HS6ST3: variants seen among roughly 807,000 people sequenced by gnomAD.
The protein encoded by HS6ST3 is heparan sulfate 6-O-sulfotransferase 3.
Under a neutral mutation model 36.7 loss-of-function variants are expected in HS6ST3, and 12 were observed. That is an observed-to-expected ratio of 0.33 (90% CI 0.21 to 0.53). The LOEUF (loss-of-function observed/expected upper bound fraction) is 0.53. Among genes scored for constraint, HS6ST3 ranks in the 20% least tolerant of loss-of-function variants. The pLI is 0.95. For missense variants in HS6ST3, 584 were observed against 640.9 expected, an observed-to-expected ratio of 0.91 and a Z score of 0.96; for synonymous variants, 240 against 257.5, an observed-to-expected ratio of 0.93 and a Z score of 0.65.
chr13:96,316,399 A>T (rs2054970357), intron 1 of HS6ST3, among the ~76,000 whole-genome samples: 1 of 152,104 alleles, frequency 6.6e-6, no homozygotes, highest in African/African-American at 2.4e-5. Context: ...AACTTCCCTA[A>T]GTTCCAAACT....
intron 1 of HS6ST3, among the ~76,000 whole-genome samples, chr13:96,132,742 G>T (rs142044117): frequency 3.9e-5 from 6 of 152,102 alleles, no homozygotes; most frequent in Non-Finnish European, 8.8e-5. Context: ...CCCATCAATA[G>T]TGTACAGGTG....
At chr13:96,468,036 G>T (rs542732328) in intron 1 of HS6ST3, among the ~76,000 whole-genome samples, 1 of 152,170 alleles carries the variant, frequency 6.6e-6, no homozygotes, top group Admixed American at 6.5e-5. Context: ...CTGGGGGGAA[G>T]TATTCAGTCC....
chr13:96,659,001 C>G (rs912462336), intron 1 of HS6ST3, among the ~76,000 whole-genome samples: 1 of 152,214 alleles, frequency 6.6e-6, no homozygotes, highest in Non-Finnish European at 1.5e-5. Flanking sequence ...ACCTCTGTGC[C>G]TAGCCTGTAT....
intron 1 of HS6ST3, among the ~76,000 whole-genome samples, chr13:96,409,451 G>A (rs2055496359): frequency 6.6e-6 from 1 of 152,178 alleles, no homozygotes; most frequent in South Asian, 2.1e-4. Flanking sequence ...GGTAGGTGCT[G>A]AAATATTTGT....
intron 1 of HS6ST3, among the ~76,000 whole-genome samples, chr13:96,103,494 A>G (rs1432097219): frequency 6.6e-6 from 1 of 152,236 alleles, no homozygotes; most frequent in African/African-American, 2.4e-5. Flanking sequence ...AATAAACGAA[A>G]GAATGAAGCA....
At chr13:96,720,981 C>A (rs934994674) in intron 1 of HS6ST3, among the ~76,000 whole-genome samples, 4 of 152,112 alleles carry the variant, frequency 2.6e-5, no homozygotes, top group African/African-American at 7.2e-5. Context: ...ATAAACCCTG[C>A]AAGAAACTGA....
Position 96,093,119 on chromosome 13 carries a change from T to A in HS6ST3, c.707+1550T>A, listed in dbSNP as rs144105569. On this transcript the variant is annotated intron_variant, in intron 1 of 1. Transcript: ENST00000376705. ...CTCCCTGTTTAGATTAATTCCTGAT[T>A]GACCTCAAAGGGTTTGCTAGACTGC... Among the ~76,000 whole-genome samples, 25 of 152,324 alleles carry A rather than the reference T, an allele frequency of 1.6e-4. No homozygotes were observed. In the East Asian group the frequency reaches 4.4e-3, roughly 27 times the overall value.
intron 1 of HS6ST3, among the ~76,000 whole-genome samples, chr13:96,517,154 G>A (rs2138924304): frequency 6.6e-6 from 1 of 151,998 alleles, no homozygotes; most frequent in Non-Finnish European, 1.5e-5. Context: ...CAAGGTGGGA[G>A]GATCACTTGA....
At chr13:96,290,797 G>C (rs756272003) in intron 1 of HS6ST3, among the ~76,000 whole-genome samples, 1 of 152,160 alleles carries the variant, frequency 6.6e-6, no homozygotes, top group Non-Finnish European at 1.5e-5. Context: ...GACCTGTAAA[G>C]GTCCACCTGA....
intron 1 of HS6ST3, among the ~76,000 whole-genome samples, chr13:96,209,039 G>A (rs1260388475): frequency 6.6e-5 from 10 of 152,128 alleles, no homozygotes; most frequent in African/African-American, 1.4e-4. Flanking sequence ...AGATAATTTC[G>A]GATTTTGAAT....
chr13:96,543,811 A>G (rs2056187195), intron 1 of HS6ST3, among the ~76,000 whole-genome samples: 3 of 152,158 alleles, frequency 2.0e-5, no homozygotes, highest in Non-Finnish European at 4.4e-5. Context: ...AGGATGACAA[A>G]TATGTTTTAA....
intron 1 of HS6ST3, among the ~76,000 whole-genome samples, chr13:96,808,791 A>G (rs1450620796): frequency 6.6e-6 from 1 of 152,222 alleles, no homozygotes; most frequent in Non-Finnish European, 1.5e-5. Flanking sequence ...AGAATTTCAC[A>G]TGTCAGATTA....
chr13:96,394,603 A>G (rs2055411868), intron 1 of HS6ST3, among the ~76,000 whole-genome samples: 1 of 152,192 alleles, frequency 6.6e-6, no homozygotes, highest in Non-Finnish European at 1.5e-5. Flanking sequence ...TAGAAATATC[A>G]TTTGTATAAA....
At chr13:96,610,224 G>T (rs1407248630) in intron 1 of HS6ST3, among the ~76,000 whole-genome samples, 3 of 152,062 alleles carry the variant, frequency 2.0e-5, no homozygotes, top group Non-Finnish European at 4.4e-5. Context: ...TACCCTTCTG[G>T]GTCATTGTGA....
intron 1 of HS6ST3, among the ~76,000 whole-genome samples, chr13:96,584,765 T>G (rs745366353): frequency 2.6e-5 from 4 of 152,170 alleles, no homozygotes; most frequent in Non-Finnish European, 5.9e-5. Context: ...TGAAACCTTT[T>G]ATAAGGTCCA....
intron 1 of HS6ST3, among the ~76,000 whole-genome samples, chr13:96,703,160 G>C (rs1440211390): frequency 1.3e-5 from 2 of 152,208 alleles, no homozygotes; most frequent in African/African-American, 4.8e-5. Flanking sequence ...GAAGAAAACT[G>C]TTATCAGTAA....
intron 1 of HS6ST3, among the ~76,000 whole-genome samples, chr13:96,102,447 A>C (rs1228149254): frequency 6.6e-6 from 1 of 152,114 alleles, no homozygotes; most frequent in African/African-American, 2.4e-5. Flanking sequence ...GGGCCACTGC[A>C]CTCCAGCCTG....
chr13:96,240,453 T>A (rs551443572), intron 1 of HS6ST3, among the ~76,000 whole-genome samples: 5 of 152,326 alleles, frequency 3.3e-5, no homozygotes, highest in South Asian at 2.1e-4. Flanking sequence ...ATATATTTTT[T>A]AAAAAGTTCC....
At chr13:96,749,646 G>C (rs1411583525) in intron 1 of HS6ST3, among the ~76,000 whole-genome samples, 2 of 151,776 alleles carry the variant, frequency 1.3e-5, no homozygotes, top group Non-Finnish European at 2.9e-5. Context: ...TGTTTTTTTG[G>C]TGTTGACTTA....
Sources: allele counts gnomAD v4.1 joint callset (sites outside exome capture counted in the v4.1 genomes callset), GRCh38; gene constraint gnomAD v4.1.1; transcripts MANE v1.5; gene names NCBI Gene and HGNC (gene_info 2026-07-23, HGNC 2026-07-21).